Variants in AP3M1 observed in about 807,000 individuals in gnomAD.
AP3M1 encodes the protein AP-3 complex subunit mu-1.
AP3M1 carries 29 observed loss-of-function variants against 42.6 expected under a neutral mutation model. That is an observed-to-expected ratio of 0.68 (90% CI 0.51 to 0.93). The LOEUF is 0.93. AP3M1 is among the 40% of genes least tolerant of loss of function. AP3M1 has a pLI of 0.00. For missense variants in AP3M1, 416 were observed against 510.2 expected (o/e 0.82, Z 1.78); for synonymous variants, 178 against 175.3 (o/e 1.02, Z -0.12).
rs943156234 is a variant in AP3M1, at chr10:74,122,622, T to C, written c.*1188A>G. On this transcript the variant is annotated 3_prime_UTR_variant, in exon 9 of 9. Coordinates refer to ENST00000355264, the MANE Select transcript of AP3M1 (RefSeq NM_012095.6). ...ACCGAGGATTTTGTTTCTGCCTCAT[T>C]ATAACTCACTTCCATGTATTTTGTC... 6.6e-6 allele frequency: 1 copy of C among 152,208 alleles called. No homozygotes were observed. Among genetic ancestry groups the C allele is most frequent in the African/African-American group, 2.4e-5 (1 of 41,458 alleles). 9.4% of individuals were successfully genotyped at this position (152,208 alleles called of 1,614,324 possible).
intron 1 of AP3M1, among the ~76,000 whole-genome samples, chr10:74,150,154 G>C (rs1415659097): frequency 6.6e-6 from 1 of 152,086 alleles, no homozygotes; most frequent in Non-Finnish European, 1.5e-5. Context: ...GTAAACCACT[G>C]TTTCAAATTC....
chr10:74,126,997 A>T (rs1397266478), intron 6 of AP3M1, among the ~76,000 whole-genome samples: 2 of 148,292 alleles, frequency 1.3e-5, no homozygotes, highest in Admixed American at 6.7e-5. Flanking sequence ...AAAAAAAAAA[A>T]AAAAGTAAAA....
rs992706765 is a variant in AP3M1 at position 74,121,377 on chromosome 10, A to G, written c.*2433T>C. ...TGGTGACTCCCACACGCAGGAAAGA[A>G]TCATTTACTTCATTTGCTCTTGATA... On this transcript the variant is annotated 3_prime_UTR_variant, in exon 9 of 9. Coordinates refer to ENST00000355264, the MANE Select transcript of AP3M1 (RefSeq NM_012095.6). 2.0e-5 allele frequency: 3 copies of G among 152,210 alleles called. No individual in the cohort carries two copies. The highest frequency in any genetic ancestry group is 1.3e-4 in the Admixed American group (2 of 15,286). The allele number at this position is 152,210 out of a possible 1,614,324, so 9.4% of individuals were successfully genotyped here.
At position 74,138,149 on chromosome 10, in the gene AP3M1, G is replaced by C; in HGVS notation, c.231C>G (p.Leu77=). The C allele has an allele frequency of 6.2e-7, 1 of 1,614,100 alleles. No individual in the cohort carries two copies. Among genetic ancestry groups the C allele is most frequent in the Non-Finnish European group, 8.5e-7 (1 of 1,179,996 alleles). Residue 77 remains leucine, a synonymous_variant, in exon 2 of 9, where the codon CTC becomes CTG. Coordinates refer to ENST00000355264, the MANE Select transcript of AP3M1 (RefSeq NM_012095.6). Reference sequence around the variant, plus strand: ...CTCGATGTAGGAACTCAATTACAAAGAGAGGTGGCACTTCGGTCTGTATGA... The same window carrying C: ...CTCGATGTAGGAACTCAATTACAAACAGAGGTGGCACTTCGGTCTGTATGA... The part of the protein sequence containing the change: ...VSVIQTEVPP[L]FVIEFLHRVA...
chr10:74,150,170 A>C (rs1841506387), intron 1 of AP3M1, among the ~76,000 whole-genome samples: 1 of 152,068 alleles, frequency 6.6e-6, no homozygotes, highest in Admixed American at 6.5e-5. Context: ...AATTCGATAA[A>C]ACTCAAACTC....
intron 3 of AP3M1, among the ~76,000 whole-genome samples, chr10:74,135,950 T>C (rs1019658765): frequency 1.3e-5 from 2 of 152,102 alleles, no homozygotes; most frequent in East Asian, 1.9e-4. Flanking sequence ...GACAGTGGAG[T>C]TGGAGTGGCA....
At chr10:74,128,628 T>C (rs1840688150) in intron 6 of AP3M1, among the ~76,000 whole-genome samples, 1 of 152,100 alleles carries the variant, frequency 6.6e-6, no homozygotes, top group South Asian at 2.1e-4. Flanking sequence ...GAACTACAGG[T>C]AGGTCTGTCT....
chr10:74,139,086 T>C (rs1841042220), intron 1 of AP3M1, among the ~76,000 whole-genome samples: 1 of 151,894 alleles, frequency 6.6e-6, no homozygotes, highest in Non-Finnish European at 1.5e-5. Flanking sequence ...AACATGGTAC[T>C]AGAGGTTTGA....
intron 7 of AP3M1, among the ~76,000 whole-genome samples, chr10:74,125,830 CATA>C (rs1223012107): frequency 6.6e-6 from 1 of 152,198 alleles, no homozygotes; most frequent in African/African-American, 2.4e-5. Context: ...CTTCAATCTA[CATA>C]ATGTTTTCTC....
intron 1 of AP3M1, among the ~76,000 whole-genome samples, chr10:74,146,697 A>C (rs1214079144): frequency 6.6e-6 from 1 of 152,156 alleles, no homozygotes; most frequent in African/African-American, 2.4e-5. Context: ...GCCAGATTGG[A>C]ATCAGAATTG....
intron 6 of AP3M1, chr10:74,128,770 C>T (rs7099026): frequency 0.52 from 85,766 of 163,960 alleles, 23,560 homozygotes; most frequent in Middle Eastern, 0.62. Context: ...CAAAATGGAC[C>T]ATGCATAACC....
intron 4 of AP3M1, among the ~76,000 whole-genome samples, chr10:74,133,039 G>C (rs1237273062): frequency 6.6e-6 from 1 of 151,980 alleles, no homozygotes; most frequent in Non-Finnish European, 1.5e-5. Flanking sequence ...GATCACTTGA[G>C]GTTAGGAGCT....
rs781487819 is a variant in AP3M1 at position 74,126,206 on chromosome 10, A to G, written c.953T>C (p.Val318Ala). 6.2e-7 allele frequency: 1 copy of G among 1,614,226 alleles called. No individual in the cohort carries two copies. Among genetic ancestry groups the G allele is most frequent in the South Asian group, 1.1e-5 (1 of 91,088 alleles). Residue 318 changes from valine (V) to alanine (A), a missense_variant, in exon 7 of 9, where the codon GTG (valine) becomes GCG (alanine). Physicochemically the swap from Val to Ala is moderately conservative, Grantham distance 64. Transcript: ENST00000355264. ...TGTGGGTGTCAGGTTCATGTTCAGC[A>G]CAACTTTTGGCATGTGAACTGTCAC... is the stretch of plus-strand genomic sequence containing the variant. ...ITVTVHMPKV[V>A]LNMNLTPTQG...
chr10:74,147,872 G>A (rs1447762351), intron 1 of AP3M1, among the ~76,000 whole-genome samples: 4 of 151,978 alleles, frequency 2.6e-5, no homozygotes, highest in Non-Finnish European at 4.4e-5. Context: ...GGTGGTAGGC[G>A]CCTGTAATCC....
chr10:74,146,584 C>A (rs1841335609), intron 1 of AP3M1, among the ~76,000 whole-genome samples: 1 of 152,060 alleles, frequency 6.6e-6, no homozygotes, highest in Non-Finnish European at 1.5e-5. Flanking sequence ...AGAGATGTGT[C>A]ACTTGGCCTG....
At chr10:74,149,535 G>A (rs1437137762) in intron 1 of AP3M1, among the ~76,000 whole-genome samples, 1 of 151,596 alleles carries the variant, frequency 6.6e-6, no homozygotes, top group Non-Finnish European at 1.5e-5. Flanking sequence ...TGATCCGCCC[G>A]CTTCAGCCTG....
At position 74,138,170 on chromosome 10, in the gene AP3M1, T is replaced by C. The variant is rs1157849930; in HGVS notation, c.210A>G (p.Ile70Met). ...YRDKLFFVSV[I>M]QTEVPPLFVI... is the part of the protein sequence containing the mutation. ...CAAAGAGAGGTGGCACTTCGGTCTG[T>C]ATGACAGATACAAAGAAGAGCTTAT... Residue 70 changes from isoleucine (I) to methionine (M), a missense_variant, in exon 2 of 9, where the codon ATA (isoleucine) becomes ATG (methionine). Physicochemically the swap from Ile to Met is conservative, Grantham distance 10. Transcript: ENST00000355264. 4.3e-6 allele frequency: 7 copies of C among 1,614,026 alleles called. No homozygotes were observed. Among genetic ancestry groups the C allele is most frequent in the Non-Finnish European group, 5.1e-6 (6 of 1,180,024 alleles).
chr10:74,148,394 G>A (rs1841396780), intron 1 of AP3M1, among the ~76,000 whole-genome samples: 2 of 152,130 alleles, frequency 1.3e-5, no homozygotes, highest in Admixed American at 1.3e-4. Context: ...GCAGATGATG[G>A]CTCTCCTTCT....
chr10:74,130,157 C>T (rs1425054229), intron 4 of AP3M1, among the ~76,000 whole-genome samples, 165 bp from the exon 5 acceptor site: 2 of 152,114 alleles, frequency 1.3e-5, no homozygotes, highest in East Asian at 1.9e-4. Flanking sequence ...TGCAGCCTCA[C>T]TCCTGGGCTC....
Sources: allele counts gnomAD v4.1 joint callset (sites outside exome capture counted in the v4.1 genomes callset), GRCh38; gene constraint gnomAD v4.1.1; transcripts MANE v1.5; gene names NCBI Gene and HGNC (gene_info 2026-07-23, HGNC 2026-07-21).